MICAL3: variants seen among roughly 807,000 people sequenced by gnomAD.
MICAL3 encodes the protein microtubule associated monooxygenase, calponin and LIM domain containing 3.
In MICAL3, 62 loss-of-function variants were observed where a neutral mutation model predicts 207.4. The ratio of observed to expected loss-of-function variants is 0.30; its 90% confidence interval spans 0.24 to 0.37. MICAL3 has a LOEUF of 0.37. Among genes scored for constraint, MICAL3 ranks in the 10% least tolerant of loss-of-function variants. The pLI is 1.00. For synonymous variants in MICAL3, 1,077 were observed against 1,069.3 expected (o/e 1.01, Z -0.14); for missense variants, 2,368 against 2,635.6 (o/e 0.90, Z 2.22).
chr22:17,878,053 C>G (rs1231149620), intron 16 of MICAL3, among the ~76,000 whole-genome samples: 4 of 152,186 alleles, frequency 2.6e-5, no homozygotes. Context: ...CAGGTTTTCA[C>G]TGTGTTAGCC....
intron 19 of MICAL3, among the ~76,000 whole-genome samples, chr22:17,854,093 G>A (rs1209427325): frequency 6.6e-6 from 1 of 152,178 alleles, no homozygotes; most frequent in African/African-American, 2.4e-5. Context: ...ATATAACTGA[G>A]GCTGACAGCA....
intron 1 of MICAL3, among the ~76,000 whole-genome samples, chr22:17,969,902 T>C (rs372468990): frequency 1.3e-5 from 2 of 152,102 alleles, no homozygotes; most frequent in African/African-American, 4.8e-5. Flanking sequence ...AAAATACCTA[T>C]GGAATGAGTG....
At chr22:17,812,411 T>G in intron 27 of MICAL3, 1 of 514,552 alleles carries the variant, frequency 1.9e-6, no homozygotes, top group Non-Finnish European at 2.5e-6. Flanking sequence ...ACAAACACAG[T>G]TAGTGAGGAT....
chr22:17,950,723 G>A (rs1426278257), intron 1 of MICAL3, among the ~76,000 whole-genome samples: 1 of 152,198 alleles, frequency 6.6e-6, no homozygotes, highest in Non-Finnish European at 1.5e-5. Context: ...TTTGAAGAGA[G>A]TCTTACTGAC....
chr22:17,927,843 C>G (rs886364038), intron 1 of MICAL3, among the ~76,000 whole-genome samples: 2 of 152,092 alleles, frequency 1.3e-5, no homozygotes, highest in Non-Finnish European at 2.9e-5. Context: ...CTTCCTACAC[C>G]CAGATCTTAC....
At position 17,788,745 on chromosome 22, in the gene MICAL3, A is replaced by G. The variant is rs1164836841; in HGVS notation, c.*1987T>C. 1.3e-5 allele frequency: 2 copies of G among 152,346 alleles called. No homozygotes were observed. Among genetic ancestry groups the G allele is most frequent in the Admixed American group, 1.3e-4 (2 of 15,290 alleles). The allele number at this position is 152,346 out of a possible 1,614,324, so 9.4% of individuals were successfully genotyped here. On this transcript the variant is annotated 3_prime_UTR_variant, in exon 32 of 32. Transcript: ENST00000441493. Reference sequence around the variant, plus strand: ...TCTCCCGGATGTGCATGGGAGAGAGATGGCAGCTTCTGGACAGACAAGGAT... The same window carrying G: ...TCTCCCGGATGTGCATGGGAGAGAGGTGGCAGCTTCTGGACAGACAAGGAT...
At chr22:17,911,796 C>T (rs1402984912) in intron 1 of MICAL3, among the ~76,000 whole-genome samples, 1 of 95,706 alleles carries the variant, frequency 1.0e-5, no homozygotes, top group Admixed American at 9.4e-5. Context: ...CATGCCACTG[C>T]ACTCCAGCCT....
intron 1 of MICAL3, among the ~76,000 whole-genome samples, chr22:17,931,440 C>G (rs1206738822): frequency 1.3e-5 from 2 of 152,212 alleles, no homozygotes; most frequent in African/African-American, 4.8e-5. Context: ...TGCTTGGCAT[C>G]AGATCTGGCA....
intron 1 of MICAL3, among the ~76,000 whole-genome samples, chr22:18,015,602 G>T (rs941093868): frequency 2.0e-5 from 3 of 151,754 alleles, no homozygotes; most frequent in Admixed American, 6.6e-5. Flanking sequence ...TAGTAGAGAC[G>T]GGGTTTCACC....
chr22:17,885,352 C>T (rs1602144667), intron 16 of MICAL3, among the ~76,000 whole-genome samples: 1 of 152,116 alleles, frequency 6.6e-6, no homozygotes, highest in Non-Finnish European at 1.5e-5. Context: ...CCAAAAGGTG[C>T]TTGTAAAGAG....
chr22:17,923,056 C>T lies in MICAL3; in HGVS notation c.-74-16170G>A, dbSNP rs923974079. Among the ~76,000 whole-genome samples, 11 of 152,154 alleles carry T rather than the reference C, an allele frequency of 7.2e-5. 1 individual carries two copies. The highest frequency in any genetic ancestry group is 2.4e-4 in the African/African-American group (10 of 41,416). ...TCCCGCTGACCCCTGAGATCACTCC[C>T]CCAGCTACACCCCTCACCACACCAC... On this transcript the variant is annotated intron_variant, in intron 1 of 31. Coordinates refer to ENST00000441493, the MANE Select transcript of MICAL3 (RefSeq NM_015241.3).
chr22:17,806,569 T>TA (rs1214467016), intron 29 of MICAL3, among the ~76,000 whole-genome samples: 1 of 151,644 alleles, frequency 6.6e-6, no homozygotes, highest in East Asian at 1.9e-4. Flanking sequence ...ACCAACCAAA[T>TA]AAAAAAAACC....
At chr22:17,926,984 G>A (rs1429729726) in intron 1 of MICAL3, among the ~76,000 whole-genome samples, 3 of 152,062 alleles carry the variant, frequency 2.0e-5, no homozygotes, top group African/African-American at 7.2e-5. Flanking sequence ...CAATTCAGTG[G>A]TATTAAATCC....
intron 1 of MICAL3, among the ~76,000 whole-genome samples, chr22:17,969,042 G>T (rs764408558): frequency 3.3e-5 from 5 of 151,930 alleles, no homozygotes; most frequent in Non-Finnish European, 7.4e-5. Context: ...TTCTCCAGAA[G>T]ACTTTTTTTT....
At chr22:17,964,132 A>C (rs1935043267) in intron 1 of MICAL3, among the ~76,000 whole-genome samples, 1 of 152,194 alleles carries the variant, frequency 6.6e-6, no homozygotes, top group Non-Finnish European at 1.5e-5. Flanking sequence ...AAGGATTCAA[A>C]ATGGTGTTAC....
rs187285325 is a variant in MICAL3 at position 17,929,039 on chromosome 22, C to T, written c.-74-22153G>A. 7.1e-4 allele frequency among the ~76,000 whole-genome samples: 107 copies of T among 151,224 alleles called. 2 individuals are homozygous for T. The East Asian group carries it at 9.6e-3, about 14-fold the overall frequency. On this transcript the variant is annotated intron_variant, in intron 1 of 31. Transcript: ENST00000441493. ...CGAACTCCTGACCTTGTGATCTGCC[C>T]GCCTCGGCCTCCCAAAGTGCTGGGA...
chr22:17,877,243 G>GGGAGGTTAT (rs1556189898), intron 16 of MICAL3, among the ~76,000 whole-genome samples: 1 of 60,802 alleles, frequency 1.6e-5, no homozygotes. Flanking sequence ...ATGGAGGTTA[G>GGGAGGTTAT]GGAGGTTAGG....
At chr22:17,794,568 G>A (rs542954669) in intron 29 of MICAL3, among the ~76,000 whole-genome samples, 26 of 152,290 alleles carry the variant, frequency 1.7e-4, no homozygotes, top group African/African-American at 3.1e-4. Flanking sequence ...ACTTCCACCC[G>A]TCCGTGTCAC....
chr22:17,987,657 G>C (rs1012168515), intron 1 of MICAL3, among the ~76,000 whole-genome samples: 1 of 152,230 alleles, frequency 6.6e-6, no homozygotes, highest in African/African-American at 2.4e-5. Context: ...AGAGATGCTA[G>C]CTTCAAAGAC....
Sources: gnomAD v4.1 joint callset for allele counts (sites outside exome capture counted in the v4.1 genomes callset) on GRCh38, gnomAD v4.1.1 for gene constraint, MANE v1.5 for transcripts, NCBI Gene and HGNC (gene_info 2026-07-23, HGNC 2026-07-21) for gene names.